MPPED2: variants seen among roughly 807,000 people sequenced by gnomAD.
MPPED2 encodes the protein metallophosphoesterase domain containing 2.
Under a neutral mutation model 33.0 loss-of-function variants are expected in MPPED2, and 5 were observed. That is an observed-to-expected ratio of 0.15 (90% CI 0.08 to 0.32). The LOEUF is 0.32. MPPED2 is among the 10% of genes least tolerant of loss of function. MPPED2 has a pLI of 1.00. For synonymous variants in MPPED2, 136 were observed against 141.9 expected (o/e 0.96, Z 0.29); for missense variants, 275 against 372.1 (o/e 0.74, Z 2.15).
chr11:30,473,409 G>T (rs552928531), intron 4 of MPPED2, among the ~76,000 whole-genome samples: 1 of 152,064 alleles, frequency 6.6e-6, no homozygotes, highest in African/African-American at 2.4e-5. Flanking sequence ...GCCTCTGTCC[G>T]CCTCATGTAT....
intron 4 of MPPED2, among the ~76,000 whole-genome samples, chr11:30,421,173 G>A (rs1320555155): frequency 6.6e-6 from 1 of 152,132 alleles, no homozygotes; most frequent in African/African-American, 2.4e-5. Context: ...ACACCCAGGG[G>A]CTTCCAGAGG....
At chr11:30,493,819 C>T (rs1392873112) in intron 4 of MPPED2, among the ~76,000 whole-genome samples, 2 of 152,146 alleles carry the variant, frequency 1.3e-5, no homozygotes, top group African/African-American at 2.4e-5. Context: ...CTATTTTATC[C>T]TTATCATAAC....
chr11:30,536,251 T>C, intron 2 of MPPED2, 76 bp from the exon 3 acceptor site: 2 of 1,284,708 alleles, frequency 1.6e-6, no homozygotes, highest in South Asian at 4.4e-5. Context: ...CATACATATT[T>C]ATTATTATTC....
At chr11:30,437,097 T>C (rs910431929) in intron 4 of MPPED2, among the ~76,000 whole-genome samples, 3 of 152,174 alleles carry the variant, frequency 2.0e-5, no homozygotes, top group Admixed American at 2.0e-4. Flanking sequence ...TTAAGTGGCC[T>C]CTATCAGGAA....
At chr11:30,500,862 G>T (rs1565130040) in intron 3 of MPPED2, among the ~76,000 whole-genome samples, 1 of 152,124 alleles carries the variant, frequency 6.6e-6, no homozygotes, top group Non-Finnish European at 1.5e-5. Flanking sequence ...ACCTCCACAA[G>T]ACTTCCTGGT....
At chr11:30,434,112 T>C (rs374013098) in intron 4 of MPPED2, among the ~76,000 whole-genome samples, 1 of 152,314 alleles carries the variant, frequency 6.6e-6, no homozygotes, top group South Asian at 2.1e-4. Context: ...TAATCCAAGA[T>C]AATCTTCCCA....
At chr11:30,424,972 CCTCCAAAGGGTAGTGCTGGCTT>C (rs1948768208) in intron 4 of MPPED2, among the ~76,000 whole-genome samples, 1 of 152,244 alleles carries the variant, frequency 6.6e-6, no homozygotes, top group Non-Finnish European at 1.5e-5. Context: ...AGCCCAGCTG[CCTCCAAAGGGTAGTGCTGGCTT>C]CTCTCTCACC....
intron 4 of MPPED2, among the ~76,000 whole-genome samples, chr11:30,494,981 A>G (rs910792541): frequency 1.3e-5 from 2 of 152,156 alleles, no homozygotes; most frequent in Admixed American, 1.3e-4. Context: ...ACCATTTTAT[A>G]TAAAAGACTT....
At chr11:30,478,160 C>T (rs1951308813) in intron 4 of MPPED2, among the ~76,000 whole-genome samples, 1 of 152,020 alleles carries the variant, frequency 6.6e-6, no homozygotes, top group Non-Finnish European at 1.5e-5. Context: ...CCTCCAAAAA[C>T]CTACTTGCTT....
intron 2 of MPPED2, among the ~76,000 whole-genome samples, chr11:30,578,753 T>C (rs923818196): frequency 2.0e-5 from 3 of 152,206 alleles, no homozygotes; most frequent in Non-Finnish European, 2.9e-5. Context: ...TTCTAAAGTA[T>C]GGCTTACACA....
At chr11:30,420,799 AG>A (rs1948576489) in intron 4 of MPPED2, among the ~76,000 whole-genome samples, 1 of 152,196 alleles carries the variant, frequency 6.6e-6, no homozygotes, top group Admixed American at 6.5e-5. Context: ...CCTCACCTTC[AG>A]GTTCTTAAAC....
chr11:30,489,181 C>T (rs569219616), intron 4 of MPPED2, among the ~76,000 whole-genome samples: 4 of 152,232 alleles, frequency 2.6e-5, no homozygotes, highest in South Asian at 2.1e-4. Flanking sequence ...AATCCTCTCA[C>T]TCAATATCTG....
chr11:30,477,687 T>A (rs2134099623), intron 4 of MPPED2, among the ~76,000 whole-genome samples: 1 of 152,282 alleles, frequency 6.6e-6, no homozygotes, highest in East Asian at 1.9e-4. Flanking sequence ...TAACACATTT[T>A]TGTTAGGTTT....
At chr11:30,454,181 G>C (rs1275182023) in intron 4 of MPPED2, among the ~76,000 whole-genome samples, 3 of 152,146 alleles carry the variant, frequency 2.0e-5, no homozygotes, top group Non-Finnish European at 2.9e-5. Flanking sequence ...CATTTCTATA[G>C]GAACCTTATT....
chr11:30,396,450 A>G (rs1156999309), intron 6 of MPPED2, among the ~76,000 whole-genome samples: 19 of 152,164 alleles, frequency 1.2e-4, no homozygotes, highest in Admixed American at 1.2e-3. Flanking sequence ...CTGTACATTT[A>G]AGTCTTGAAA....
intron 3 of MPPED2, among the ~76,000 whole-genome samples, chr11:30,527,079 C>T (rs1230849213): frequency 6.6e-6 from 1 of 151,814 alleles, no homozygotes; most frequent in Non-Finnish European, 1.5e-5. Context: ...GCGCCCACCA[C>T]CACGCCCAGC....
chr11:30,494,115 G>A (rs953803609), intron 4 of MPPED2, among the ~76,000 whole-genome samples: 5 of 152,302 alleles, frequency 3.3e-5, no homozygotes, highest in Middle Eastern at 3.4e-3. Flanking sequence ...TCTCAGGAAG[G>A]ACAATCAGAG....
At chr11:30,424,534 T>A (rs1007659661) in intron 4 of MPPED2, among the ~76,000 whole-genome samples, 1 of 152,152 alleles carries the variant, frequency 6.6e-6, no homozygotes, top group Non-Finnish European at 1.5e-5. Context: ...TGATAATTCT[T>A]GATCTCTAGC....
intron 2 of MPPED2, among the ~76,000 whole-genome samples, chr11:30,553,473 A>G (rs569623723): frequency 6.6e-6 from 1 of 152,306 alleles, no homozygotes; most frequent in East Asian, 1.9e-4. Context: ...TCTAAGTTGC[A>G]TTTGCATTTC....
Sources: gnomAD v4.1 joint callset for allele counts (sites outside exome capture counted in the v4.1 genomes callset) on GRCh38, gnomAD v4.1.1 for gene constraint, MANE v1.5 for transcripts, NCBI Gene and HGNC (gene_info 2026-07-23, HGNC 2026-07-21) for gene names.